The following ARF1 variants were observed in gnomAD, a reference collection of about 807,000 sequenced individuals.
ARF1 encodes the protein ADP-ribosylation factor 1.
A neutral mutation model predicts 18.0 loss-of-function variants in ARF1; 1 was observed. The ratio of observed to expected loss-of-function variants is 0.06; its 90% confidence interval spans 0.02 to 0.26. ARF1 has a LOEUF of 0.26. Ranked by LOEUF, ARF1 falls within the 10% of genes least tolerant of loss-of-function variation. The probability of loss-of-function intolerance (pLI) is 1.00; values close to 1 mark genes in which losing one functional copy is unlikely to be tolerated. For missense variants in ARF1, 73 were observed against 247.2 expected, an observed-to-expected ratio of 0.30 and a Z score of 4.73; for synonymous variants, 112 against 96.3, an observed-to-expected ratio of 1.16 and a Z score of -0.95.
intron 1 of ARF1, among the ~76,000 whole-genome samples, chr1:228,085,132 A>C (rs1214621448): frequency 2.0e-5 from 3 of 152,260 alleles, no homozygotes; most frequent in Admixed American, 6.5e-5. Flanking sequence ...TTAAATTATG[A>C]GAACTTGTGT....
intron 1 of ARF1, among the ~76,000 whole-genome samples, chr1:228,086,266 A>T (rs2032394847): frequency 6.6e-6 from 1 of 152,236 alleles, no homozygotes; most frequent in Non-Finnish European, 1.5e-5. Context: ...CTGTAATCCC[A>T]GCACTTTGGG....
At position 228,097,789 on chromosome 1, in the gene ARF1, G is replaced by C; in HGVS notation, c.385-63G>C. 1.3e-6 allele frequency: 2 copies of C among 1,587,712 alleles called. No individual in the cohort carries two copies. The highest frequency in any genetic ancestry group is 1.7e-6 in the Non-Finnish European group (2 of 1,165,058). ...CGCCTGGTGGTAGGGGTTACTGGAG[G>C]CTGGTGGGGCCCCTTTCTCTGTCCT... is the stretch of plus-strand genomic sequence containing the variant. On this transcript the variant is annotated intron_variant, in intron 4 of 4. Transcript: ENST00000272102. The surrounding 1 kb of genome is among the most constrained non-coding windows in gnomAD (Gnocchi z 8.1).
chr1:228,097,498 A>C lies in ARF1; in HGVS notation c.259+46A>C. 6.2e-7 allele frequency: 1 copy of C among 1,612,702 alleles called. No individual in the cohort carries two copies. The highest frequency in any genetic ancestry group is 8.5e-7 in the Non-Finnish European group (1 of 1,179,466). On this transcript the variant is annotated intron_variant, in intron 3 of 4. Coordinates refer to ENST00000272102, the MANE Select transcript of ARF1 (RefSeq NM_001658.4). The surrounding 1 kb of genome is among the most constrained non-coding windows in gnomAD (Gnocchi z 8.1). ...CCCATGGGCACTCCTGCTTCTAGAG[A>C]GGGGGGGCCAGCCCATAGATGGGGC...
chr1:228,088,177 A>G (rs2032467082), intron 1 of ARF1: 1 of 152,304 alleles, frequency 6.6e-6, no homozygotes, highest in Non-Finnish European at 1.5e-5. Flanking sequence ...AGGCAGGGAG[A>G]TACCAGGACC....
At position 228,098,121 on chromosome 1, in the gene ARF1, C is replaced by A; in HGVS notation, c.*108C>A. Reference sequence around the variant, plus strand: ...GAAGCTGCCTCCGTGGTTTGGTCACCGTGTGCATCGCACCGTGCTGTAAAT... The same window carrying A: ...GAAGCTGCCTCCGTGGTTTGGTCACAGTGTGCATCGCACCGTGCTGTAAAT... On this transcript the variant is annotated 3_prime_UTR_variant, in exon 5 of 5. Coordinates refer to ENST00000272102, the MANE Select transcript of ARF1 (RefSeq NM_001658.4). 7.4e-7 allele frequency: 1 copy of A among 1,356,566 alleles called. No individual in the cohort carries two copies. The highest frequency in any genetic ancestry group is 1.0e-6 in the Non-Finnish European group (1 of 993,956). 84.0% of individuals were successfully genotyped at this position (1,356,566 alleles called of 1,614,324 possible).
chr1:228,092,334 G>T (rs2032603040), intron 1 of ARF1, among the ~76,000 whole-genome samples: 1 of 152,170 alleles, frequency 6.6e-6, no homozygotes, highest in Non-Finnish European at 1.5e-5. Flanking sequence ...TGCATTCCCT[G>T]CCACTTGGGA....
At position 228,093,282 on chromosome 1, in the gene ARF1, G is replaced by A. The variant is rs113470196; in HGVS notation, c.-37-3796G>A. Among the ~76,000 whole-genome samples the A allele has an allele frequency of 3.0e-3, 457 of 152,262 alleles. 3 individuals carry two copies. The highest frequency in any genetic ancestry group is 9.9e-3 in the African/African-American group (413 of 41,558). Reference sequence around the variant, plus strand: ...CTGGGCATGACACAAGTTAGGACCCGTACCAAGAGGCCCTGGAATTGAGGG... The same window carrying A: ...CTGGGCATGACACAAGTTAGGACCCATACCAAGAGGCCCTGGAATTGAGGG... On this transcript the variant is annotated intron_variant, in intron 1 of 4. Coordinates refer to ENST00000272102, the MANE Select transcript of ARF1 (RefSeq NM_001658.4).
In ARF1 at chr1:228,097,759, G is replaced by A; in HGVS notation, c.384+44G>A. On this transcript the variant is annotated intron_variant, in intron 4 of 4. Transcript: ENST00000272102. The surrounding 1 kb of genome is among the most constrained non-coding windows in gnomAD (Gnocchi z 8.1). ...CTGGGGAATGTGAGGAGCCAGTGTG[G>A]GTTCCGCCTGGTGGTAGGGGTTACT... 1 of 1,590,168 alleles carries A rather than the reference G, an allele frequency of 6.3e-7. No homozygotes were observed. The highest frequency in any genetic ancestry group is 8.6e-7 in the Non-Finnish European group (1 of 1,166,834).
intron 1 of ARF1, chr1:228,083,281 CG>C (rs1308956632): frequency 6.6e-6 from 1 of 152,290 alleles, no homozygotes; most frequent in Non-Finnish European, 1.5e-5. Context: ...AACTGAGGCT[CG>C]GGCGGCCTGA....
intron 1 of ARF1, chr1:228,083,621 G>A (rs999756946): frequency 6.6e-6 from 1 of 152,268 alleles, no homozygotes; most frequent in African/African-American, 2.4e-5. Context: ...CCTCTTCTGA[G>A]CTGGTGAATC....
intron 1 of ARF1, among the ~76,000 whole-genome samples, chr1:228,095,793 TGA>T (rs2032725692): frequency 6.6e-6 from 1 of 152,222 alleles, no homozygotes; most frequent in Non-Finnish European, 1.5e-5. Context: ...AGGAGTGGAC[TGA>T]GAGGGCAGGT....
At chr1:228,091,962 T>C (rs1270087312) in intron 1 of ARF1, among the ~76,000 whole-genome samples, 1 of 152,184 alleles carries the variant, frequency 6.6e-6, no homozygotes, top group Non-Finnish European at 1.5e-5. Flanking sequence ...TCATCTACAC[T>C]ATATGTATGA....
In ARF1 at chr1:228,088,491, C is replaced by T. The variant is rs948093882; in HGVS notation, c.-38+5726C>T. On this transcript the variant is annotated intron_variant, in intron 1 of 4. Coordinates refer to ENST00000272102, the MANE Select transcript of ARF1 (RefSeq NM_001658.4). ...TGTCTGACCTTCATGTAGGGGAGGT[C>T]GTCTGATGTCCCAGACCTGTTATAA... Among the ~76,000 whole-genome samples the T allele has an allele frequency of 6.0e-5, 9 of 148,916 alleles. No individual in the cohort carries two copies. The South Asian group carries it at 8.3e-4, about 14-fold the overall frequency.
intron 1 of ARF1, among the ~76,000 whole-genome samples, chr1:228,094,836 T>C (rs535211590): frequency 2.6e-5 from 4 of 152,340 alleles, no homozygotes; most frequent in South Asian, 4.1e-4. Context: ...TCTTCCATTC[T>C]CTGGGGCATC....
rs2032840617 is a variant in ARF1 at position 228,098,599 on chromosome 1, G to T, written c.*586G>T. 6.6e-6 allele frequency: 1 copy of T among 152,646 alleles called. No homozygotes were observed. Among genetic ancestry groups the T allele is most frequent in the Non-Finnish European group, 1.5e-5 (1 of 68,086 alleles). The allele number at this position is 152,646 out of a possible 1,614,324, so 9.5% of individuals were successfully genotyped here. A position where few individuals can be genotyped will look rare whatever the true frequency, so the allele number is the denominator to read the frequency against. ...ATCAATTCTGCATGGTCACAGTAGAGATCCCCGCAACTCGCTTGTCCTTGG... is the reference window on the plus strand; with the variant it reads ...ATCAATTCTGCATGGTCACAGTAGATATCCCCGCAACTCGCTTGTCCTTGG... On this transcript the variant is annotated 3_prime_UTR_variant, in exon 5 of 5. Transcript: ENST00000272102.
chr1:228,085,099 G>A (rs1375948029), intron 1 of ARF1, among the ~76,000 whole-genome samples: 1 of 152,248 alleles, frequency 6.6e-6, no homozygotes, highest in East Asian at 1.9e-4. Context: ...AGAGAAACAC[G>A]AAAAGGCCTC....
intron 1 of ARF1, chr1:228,083,588 G>T (rs2032293300): frequency 6.6e-6 from 1 of 152,286 alleles, no homozygotes; most frequent in African/African-American, 2.4e-5. Flanking sequence ...TTTCCTTGAC[G>T]TTGTCGGCAG....
At chr1:228,092,057 C>T (rs1438782964) in intron 1 of ARF1, among the ~76,000 whole-genome samples, 1 of 152,162 alleles carries the variant, frequency 6.6e-6, no homozygotes, top group Non-Finnish European at 1.5e-5. Context: ...CAGCTTTGTT[C>T]AGTTTCCTCA....
intron 1 of ARF1, among the ~76,000 whole-genome samples, chr1:228,093,111 G>A (rs922283262): frequency 5.9e-5 from 9 of 152,156 alleles, no homozygotes; most frequent in Non-Finnish European, 1.2e-4. Flanking sequence ...CCTTCTCAAA[G>A]TGTGAGGGGT....
Sources: allele counts gnomAD v4.1 joint callset (sites outside exome capture counted in the v4.1 genomes callset), GRCh38; gene constraint gnomAD v4.1.1; non-coding constraint Gnocchi (gnomAD v3.1); transcripts MANE v1.5; gene names NCBI Gene and HGNC (gene_info 2026-07-23, HGNC 2026-07-21).